ADAM18: variants seen among roughly 807,000 people sequenced by gnomAD.
The protein encoded by ADAM18 is ADAM metallopeptidase domain 18.
ADAM18 carries 117 observed loss-of-function variants against 94.4 expected under a neutral mutation model. That is an observed-to-expected ratio of 1.24 (90% CI 1.07 to 1.45). ADAM18 has a LOEUF of 1.45. Ranked by LOEUF, ADAM18 falls within the 40% of genes most tolerant of loss-of-function variation. ADAM18 has a pLI of 0.00. For synonymous variants in ADAM18, 327 were observed against 291.6 expected (o/e 1.12, Z -1.24); for missense variants, 936 against 880.0 (o/e 1.06, Z -0.81).
intron 7 of ADAM18, among the ~76,000 whole-genome samples, 176 bp downstream of exon 7, chr8:39,629,615 C>G (rs1230916199): frequency 6.6e-6 from 1 of 150,580 alleles, no homozygotes; most frequent in Non-Finnish European, 1.5e-5. Context: ...TCTGTCTTCC[C>G]TTTCCTTCCT....
intron 17 of ADAM18, among the ~76,000 whole-genome samples, chr8:39,697,464 G>C (rs1180099770): frequency 6.6e-6 from 1 of 151,202 alleles, no homozygotes; most frequent in African/African-American, 2.4e-5. Flanking sequence ...TTTTCCTTGT[G>C]ATTTCTTTCT....
rs1823028399 is a variant in ADAM18 at position 39,730,000 on chromosome 8, C to T, written c.*60C>T. The T allele has an allele frequency of 1.3e-6, 2 of 1,505,938 alleles. No homozygotes were observed. Among genetic ancestry groups the T allele is most frequent in the East Asian group, 4.5e-5 (2 of 44,300 alleles). The allele number at this position is 1,505,938 out of a possible 1,614,324, so 93.3% of individuals were successfully genotyped here. A position where few individuals can be genotyped will look rare whatever the true frequency, so the allele number is the denominator to read the frequency against. On this transcript the variant is annotated 3_prime_UTR_variant, in exon 20 of 20. Coordinates refer to ENST00000265707, the MANE Select transcript of ADAM18 (RefSeq NM_014237.3). The stretch of plus-strand genomic sequence containing the variant: ...GGAACGAATGTGCTTTATTTATAAC[C>T]TTACGTTATCCCCAATGCATTGTAA...
intron 18 of ADAM18, among the ~76,000 whole-genome samples, chr8:39,716,413 G>A (rs1822580268): frequency 6.6e-6 from 1 of 151,812 alleles, no homozygotes; most frequent in African/African-American, 2.4e-5. Context: ...ATATTCATTT[G>A]TCTTGAGGTA....
intron 18 of ADAM18, among the ~76,000 whole-genome samples, chr8:39,714,692 C>T (rs1165514278): frequency 6.6e-6 from 1 of 152,072 alleles, no homozygotes; most frequent in Non-Finnish European, 1.5e-5. Context: ...ACTCCCTTCT[C>T]TTAGTAATTG....
chr8:39,663,962 G>C, intron 13 of ADAM18, 72 bp downstream of exon 13: 1 of 966,208 alleles, frequency 1.0e-6, no homozygotes, highest in Non-Finnish European at 1.6e-6. Context: ...GAATCAATGT[G>C]CAATTAATAA....
Position 39,610,689 on chromosome 8 carries a change from G to T in ADAM18, c.505G>T (p.Val169Phe). 3 of 1,612,934 alleles carry T rather than the reference G, an allele frequency of 1.9e-6. No homozygotes were observed. Among genetic ancestry groups the T allele is most frequent in the Non-Finnish European group, 2.5e-6 (3 of 1,179,442 alleles). The part of the protein sequence containing the change: ...HIWQKDQPYK[V>F]PLNSQIKNLS... ...TTGGCAGAAAGACCAGCCCTACAAA[G>T]TTCCTTTAAACTCACAGGTGACTGT... is the stretch of plus-strand genomic sequence containing the variant. Residue 169 changes from valine to phenylalanine, a missense_variant, in exon 6 of 20, where the codon GTT (valine) becomes TTT (phenylalanine). Transcript: ENST00000265707.
chr8:39,645,282 G>A (rs1287615089), intron 10 of ADAM18, 56 bp from the exon 11 acceptor site: 2 of 1,439,148 alleles, frequency 1.4e-6, no homozygotes, highest in Non-Finnish European at 1.9e-6. Flanking sequence ...AATATTTCAA[G>A]TTATTACTTT....
chr8:39,674,342 G>A (rs1821239543), intron 14 of ADAM18, among the ~76,000 whole-genome samples: 1 of 152,162 alleles, frequency 6.6e-6, no homozygotes, highest in Non-Finnish European at 1.5e-5. Context: ...AAGATAGTTA[G>A]TTCTTCTTGT....
intron 2 of ADAM18, among the ~76,000 whole-genome samples, chr8:39,605,292 C>G (rs1485939027): frequency 6.6e-6 from 1 of 152,114 alleles, no homozygotes; most frequent in Admixed American, 6.5e-5. Context: ...CCAGTTACGC[C>G]CCCCTGAAGA....
intron 12 of ADAM18, among the ~76,000 whole-genome samples, chr8:39,650,288 T>A (rs766428603): frequency 6.6e-6 from 1 of 152,158 alleles, no homozygotes; most frequent in Non-Finnish European, 1.5e-5. Flanking sequence ...TTTCTACTAA[T>A]AGCAGTGAAG....
chr8:39,676,814 A>G (rs1013727115), intron 14 of ADAM18, among the ~76,000 whole-genome samples: 6 of 152,244 alleles, frequency 3.9e-5, no homozygotes, highest in Non-Finnish European at 7.3e-5. Context: ...TGAAAAGAAG[A>G]TTAGAAACAG....
chr8:39,644,053 T>C (rs935197761), intron 10 of ADAM18, among the ~76,000 whole-genome samples: 2 of 152,084 alleles, frequency 1.3e-5, no homozygotes, highest in African/African-American at 4.8e-5. Context: ...TTTTCAGTCA[T>C]ATACATACAA....
At chr8:39,695,014 T>A (rs1162450059) in intron 17 of ADAM18, among the ~76,000 whole-genome samples, 1 of 151,538 alleles carries the variant, frequency 6.6e-6, no homozygotes, top group East Asian at 1.9e-4. Flanking sequence ...TGTTTCTTAG[T>A]AATATTTATT....
At chr8:39,660,224 A>T (rs1030185627) in intron 12 of ADAM18, among the ~76,000 whole-genome samples, 1 of 152,190 alleles carries the variant, frequency 6.6e-6, no homozygotes, top group African/African-American at 2.4e-5. Flanking sequence ...ACAACTAAAA[A>T]AATGGCAGTA....
chr8:39,718,126 A>G (rs1822631344), intron 18 of ADAM18, among the ~76,000 whole-genome samples: 1 of 151,614 alleles, frequency 6.6e-6, no homozygotes. Flanking sequence ...TAAGGATATA[A>G]AATGGTGCAG....
At chr8:39,715,942 A>G (rs991832574) in intron 18 of ADAM18, among the ~76,000 whole-genome samples, 3 of 152,018 alleles carry the variant, frequency 2.0e-5, no homozygotes, top group Non-Finnish European at 2.9e-5. Context: ...AACTCATTCG[A>G]TAATGCCAGC....
intron 16 of ADAM18, among the ~76,000 whole-genome samples, chr8:39,683,824 G>A (rs774252008): frequency 7.2e-5 from 11 of 151,930 alleles, no homozygotes; most frequent in Non-Finnish European, 1.3e-4. Flanking sequence ...CTCCTACTCT[G>A]TAGTTTGTTT....
intron 2 of ADAM18, chr8:39,605,766 G>T: frequency 4.7e-6 from 1 of 212,236 alleles, no homozygotes; most frequent in Non-Finnish European, 9.5e-6. Flanking sequence ...ACATGAGTAA[G>T]TTCTTTAGTG....
intron 6 of ADAM18, among the ~76,000 whole-genome samples, chr8:39,622,410 A>G (rs1174292648): frequency 6.6e-6 from 1 of 151,568 alleles, no homozygotes; most frequent in Non-Finnish European, 1.5e-5. Context: ...TGAAAAAATC[A>G]TAGGCAATGT....
Sources: gnomAD v4.1 joint callset for allele counts (sites outside exome capture counted in the v4.1 genomes callset) on GRCh38, gnomAD v4.1.1 for gene constraint, MANE v1.5 for transcripts, NCBI Gene and HGNC (gene_info 2026-07-23, HGNC 2026-07-21) for gene names.